The following SCAF8 variants were observed in gnomAD, a reference collection of about 807,000 sequenced individuals.
The protein encoded by SCAF8 is SR-related and CTD-associated factor 8.
Under a neutral mutation model 140.5 loss-of-function variants are expected in SCAF8, and 23 were observed. That is an observed-to-expected ratio of 0.16 (90% CI 0.12 to 0.23). SCAF8 has a LOEUF of 0.23. Among genes scored for constraint, SCAF8 ranks in the 10% least tolerant of loss-of-function variants. SCAF8 has a pLI of 1.00. For synonymous variants in SCAF8, 575 were observed against 528.9 expected, an observed-to-expected ratio of 1.09 and a Z score of -1.20; for missense variants, 1,397 against 1,555.7, an observed-to-expected ratio of 0.90 and a Z score of 1.72.
intron 4 of SCAF8, among the ~76,000 whole-genome samples, chr6:154,788,964 A>G (rs538147831): frequency 1.6e-4 from 24 of 152,292 alleles, no homozygotes; most frequent in Non-Finnish European, 2.9e-4. Flanking sequence ...TGTTTGTTTT[A>G]TGGAAGAACC....
chr6:154,789,062 T>A (rs1562446660), intron 4 of SCAF8, among the ~76,000 whole-genome samples: 1 of 152,170 alleles, frequency 6.6e-6, no homozygotes, highest in Admixed American at 6.5e-5. Flanking sequence ...TATTATATAG[T>A]CTTGAATCAG....
At chr6:154,784,939 A>G (rs990312256) in intron 3 of SCAF8, among the ~76,000 whole-genome samples, 1 of 152,224 alleles carries the variant, frequency 6.6e-6, no homozygotes, top group Non-Finnish European at 1.5e-5. Flanking sequence ...TTTGAAGCCC[A>G]CAAGCCCCAA....
At chr6:154,785,553 C>G (rs1007811557) in intron 3 of SCAF8, among the ~76,000 whole-genome samples, 2 of 152,130 alleles carry the variant, frequency 1.3e-5, no homozygotes, top group Non-Finnish European at 2.9e-5. Context: ...TACATGCCAC[C>G]ATTAGTATTA....
intron 6 of SCAF8, among the ~76,000 whole-genome samples, chr6:154,801,231 A>G (rs562004696): frequency 6.6e-5 from 10 of 151,490 alleles, no homozygotes; most frequent in Non-Finnish European, 1.2e-4. Flanking sequence ...CTTTACTGTC[A>G]TCTTACATAG....
chr6:154,753,146 T>A (rs1194131658), intron 1 of SCAF8, among the ~76,000 whole-genome samples: 1 of 151,766 alleles, frequency 6.6e-6, no homozygotes, highest in Non-Finnish European at 1.5e-5. Context: ...CTGGCCAACA[T>A]GATGAAACCC....
At chr6:154,746,111 C>G (rs1484072563) in intron 1 of SCAF8, among the ~76,000 whole-genome samples, 2 of 152,152 alleles carry the variant, frequency 1.3e-5, no homozygotes, top group East Asian at 1.9e-4. Flanking sequence ...GTCTTGAACT[C>G]CTGGCCTCAA....
intron 16 of SCAF8, among the ~76,000 whole-genome samples, chr6:154,823,234 AAGAG>A (rs775455170): frequency 7.9e-5 from 12 of 152,172 alleles, no homozygotes; most frequent in Non-Finnish European, 1.5e-4. Flanking sequence ...ATGTGACAAA[AAGAG>A]AGAGAGAAAG....
intron 2 of SCAF8, among the ~76,000 whole-genome samples, chr6:154,776,080 A>G (rs901141661): frequency 2.0e-5 from 3 of 152,104 alleles, no homozygotes; most frequent in African/African-American, 4.8e-5. Context: ...ATTATCTAAT[A>G]TAGAGTTCAT....
At position 154,802,085 on chromosome 6, in the gene SCAF8, A is replaced by ACAGCTG. The variant is rs767777384; in HGVS notation, c.735_740dup (p.Ala246_Ala247dup). 57 of 1,612,706 alleles carry ACAGCTG rather than the reference A, an allele frequency of 3.5e-5. No individual in the cohort carries two copies. The highest frequency in any genetic ancestry group is 3.4e-4 in the South Asian group (31 of 90,940). ...GTTGCAAGCTCTTACGGCACAACTT[A>ACAGCTG]CAGCTGCAGCTGCAGCTGCCAACAC... On this transcript the variant is annotated inframe_insertion, in exon 7 of 20. Coordinates refer to ENST00000367178, the MANE Select transcript of SCAF8 (RefSeq NM_014892.5).
chr6:154,746,392 A>G lies in SCAF8; in HGVS notation c.30+12462A>G, dbSNP rs76485692. 6.5e-3 allele frequency among the ~76,000 whole-genome samples: 984 copies of G among 152,256 alleles called. 14 individuals carry two copies. The highest frequency in any genetic ancestry group is 0.023 in the African/African-American group (937 of 41,520). ...TCTTTTAGTGTGTGTATATCTATCA[A>G]TAGATAGAACTGTAAATTATATATA... is the stretch of plus-strand genomic sequence containing the variant. On this transcript the variant is annotated intron_variant, in intron 1 of 19. Transcript: ENST00000367178.
chr6:154,801,746 T>C lies in SCAF8; in HGVS notation c.607-225T>C, dbSNP rs557223195. On this transcript the variant is annotated intron_variant, in intron 6 of 19. Coordinates refer to ENST00000367178, the MANE Select transcript of SCAF8 (RefSeq NM_014892.5). ...TTTATCTGGTTGTCACAGATCACTTTATTTTGTTTAAAGTTCGCTGACTTT... is the reference window on the plus strand; with the variant it reads ...TTTATCTGGTTGTCACAGATCACTTCATTTTGTTTAAAGTTCGCTGACTTT... Among the ~76,000 whole-genome samples the C allele has an allele frequency of 2.2e-4, 34 of 151,582 alleles. 2 individuals carry two copies. The highest frequency in any genetic ancestry group is 3.8e-4 in the Non-Finnish European group (26 of 67,776).
At chr6:154,783,355 C>G (rs181223144) in intron 3 of SCAF8, among the ~76,000 whole-genome samples, 42 of 152,228 alleles carry the variant, frequency 2.8e-4, no homozygotes, top group Admixed American at 1.6e-3. Flanking sequence ...GAAATACATT[C>G]TATGGTACTG....
In SCAF8 at chr6:154,778,768, AAT is replaced by A. The variant is rs1491507904; in HGVS notation, c.159+724_159+725del. Among the ~76,000 whole-genome samples the A allele has an allele frequency of 3.4e-3, 397 of 117,592 alleles. 3 individuals are homozygous for A. Among genetic ancestry groups the A allele is most frequent in the African/African-American group, 0.011 (367 of 33,226 alleles). 77.1% of individuals were successfully genotyped at this position (117,592 alleles called of 152,430 possible). A position where few individuals can be genotyped will look rare whatever the true frequency, so the allele number is the denominator to read the frequency against. ...AACAGAGTGAGACCCTGTCTCAAAA[AAT>A]GTGTGTGTGTGTGTGTGTGTGTGTG... is the stretch of plus-strand genomic sequence containing the variant. On this transcript the variant is annotated intron_variant, in intron 3 of 19. Coordinates refer to ENST00000367178, the MANE Select transcript of SCAF8 (RefSeq NM_014892.5).
At chr6:154,791,602 C>A (rs540393938) in intron 4 of SCAF8, among the ~76,000 whole-genome samples, 28 of 151,744 alleles carry the variant, frequency 1.8e-4, no homozygotes, top group Admixed American at 7.9e-4. Context: ...TTCTGGTATA[C>A]TGTCTTATTT....
chr6:154,734,663 A>C (rs1455567138), intron 1 of SCAF8, among the ~76,000 whole-genome samples: 3 of 152,182 alleles, frequency 2.0e-5, no homozygotes, highest in Non-Finnish European at 4.4e-5. Flanking sequence ...TAAAAAGCAG[A>C]TTCCATTTTC....
At chr6:154,774,487 A>G (rs905230541) in intron 2 of SCAF8, among the ~76,000 whole-genome samples, 2 of 152,184 alleles carry the variant, frequency 1.3e-5, no homozygotes, top group Non-Finnish European at 2.9e-5. Flanking sequence ...TATTTTGCAT[A>G]TATCCACATT....
At chr6:154,747,257 T>C (rs1018807558) in intron 1 of SCAF8, among the ~76,000 whole-genome samples, 1 of 152,170 alleles carries the variant, frequency 6.6e-6, no homozygotes, top group African/African-American at 2.4e-5. Flanking sequence ...GTTAGGCCTG[T>C]AATCCCAGCG....
At chr6:154,764,135 T>C (rs1038624233) in intron 1 of SCAF8, among the ~76,000 whole-genome samples, 3 of 152,232 alleles carry the variant, frequency 2.0e-5, no homozygotes, top group Non-Finnish European at 1.5e-5. Flanking sequence ...GCATTTGCTG[T>C]GGTGCCTACA....
intron 1 of SCAF8, among the ~76,000 whole-genome samples, chr6:154,762,347 AATTCAGGTCCTTATG>A (rs1776430108): frequency 1.3e-5 from 2 of 152,296 alleles, no homozygotes; most frequent in African/African-American, 4.8e-5. Flanking sequence ...CTGTTGGCTG[AATTCAGGTCCTTATG>A]GTTGTAGGAC....
Sources: allele counts gnomAD v4.1 joint callset (sites outside exome capture counted in the v4.1 genomes callset), GRCh38; gene constraint gnomAD v4.1.1; transcripts MANE v1.5; gene names NCBI Gene and HGNC (gene_info 2026-07-23, HGNC 2026-07-21).